Variants in DYRK4 observed in about 807,000 individuals in gnomAD.
DYRK4 encodes the protein dual specificity tyrosine-phosphorylation-regulated kinase 4.
In DYRK4, 64 loss-of-function variants were observed where a neutral mutation model predicts 68.3. The observed-to-expected ratio is 0.94, with a 90% CI of 0.77 to 1.15. The LOEUF is 1.15. Among genes scored for constraint, DYRK4 ranks in the 50% most tolerant of loss-of-function variants. The pLI is 0.00. For missense variants in DYRK4, 740 were observed against 764.7 expected (o/e 0.97, Z 0.38); for synonymous variants, 274 against 289.9 (o/e 0.95, Z 0.56).
intron 9 of DYRK4, 104 bp downstream of exon 9, chr12:4,599,270 CTTTTT>C (rs71061195): frequency 9.3e-4 from 426 of 459,954 alleles, no homozygotes; most frequent in Middle Eastern, 1.8e-3. Context: ...TTGCCTTTGA[CTTTTT>C]TTTTTTTTTT....
At chr12:4,607,023 C>G (rs149939317) in intron 11 of DYRK4, among the ~76,000 whole-genome samples, 177 of 152,260 alleles carry the variant, frequency 1.2e-3, no homozygotes, top group African/African-American at 4.1e-3. Flanking sequence ...AGCATGTGTA[C>G]TAGTTTATTT....
chr12:4,607,348 G>A lies in DYRK4; in HGVS notation c.1321G>A (p.Gly441Ser), dbSNP rs760294743. ...IMEVLGLPPA[G>S]FIQTASRRQT... ...TAAGGTGCTGGGTCTGCCGCCAGCC[G>A]GCTTCATTCAGACAGCCTCCAGGAG... The change falls in exon 12 of 15, where the codon GGC becomes AGC. Residue 441 changes from glycine to serine, a missense_variant. Gly to Ser is a moderately conservative substitution (Grantham distance 56, BLOSUM62 0). Coordinates refer to ENST00000543431, the MANE Select transcript of DYRK4 (RefSeq NM_001394779.1). 12 of 1,614,164 alleles carry A rather than the reference G, an allele frequency of 7.4e-6. No homozygotes were observed. Among genetic ancestry groups the A allele is most frequent in the East Asian group, 6.7e-5 (3 of 44,882 alleles).
At chr12:4,588,821 A>T (rs2041295) in intron 2 of DYRK4, 116 bp from the exon 3 acceptor site, 490,864 of 907,422 alleles carry the variant, frequency 0.54, 137,988 homozygotes, top group African/African-American at 0.8. Flanking sequence ...CTTCCCAGCT[A>T]AGGATTCAGG....
chr12:4,588,864 A>C, intron 2 of DYRK4, 73 bp from the exon 3 acceptor site: 1 of 1,429,968 alleles, frequency 7.0e-7, no homozygotes, highest in South Asian at 1.2e-5. Context: ...TGTTTATTGT[A>C]ATGTAACAAA....
At chr12:4,571,296 AC>A (rs1196723422) in intron 2 of DYRK4, among the ~76,000 whole-genome samples, 1 of 152,260 alleles carries the variant, frequency 6.6e-6, no homozygotes, top group Non-Finnish European at 1.5e-5. Context: ...AAGCACAGCT[AC>A]TTTTTCTCTG....
chr12:4,596,133 G>A lies in DYRK4; in HGVS notation c.628-16G>A, dbSNP rs368175377. ...GCCCATGGCTTTGCTCTTCACCTCCGGCCTGGCTTCCACAGGTCCTGCATG... is the reference window on the plus strand; with the variant it reads ...GCCCATGGCTTTGCTCTTCACCTCCAGCCTGGCTTCCACAGGTCCTGCATG... On this transcript the variant is annotated splice_polypyrimidine_tract_variant and intron_variant, in intron 6 of 14. Transcript: ENST00000543431. The A allele has an allele frequency of 6.2e-6, 10 of 1,613,128 alleles. No individual in the cohort carries two copies. In the African/African-American group the frequency reaches 8.0e-5, roughly 13 times the overall value.
chr12:4,569,468 G>A (rs1293010995), intron 2 of DYRK4, among the ~76,000 whole-genome samples: 1 of 152,112 alleles, frequency 6.6e-6, no homozygotes, highest in African/African-American at 2.4e-5. Context: ...ATTGAGTGCC[G>A]AGGTGACTCA....
intron 10 of DYRK4, chr12:4,602,646 T>C: frequency 1.4e-6 from 2 of 1,396,902 alleles, no homozygotes; most frequent in Non-Finnish European, 2.0e-6. Flanking sequence ...AGTTGGAAGA[T>C]CTGGGTAACA....
In DYRK4 at chr12:4,568,567, G is replaced by C. The variant is rs1201859494; in HGVS notation, c.132+519G>C. On this transcript the variant is annotated intron_variant, in intron 2 of 14. Transcript: ENST00000543431. ...CGGCTGGCTAATTTTTGTATTTTTAGAGGAGATGGGGTTTCTTCATGTTGA... is the reference window on the plus strand; with the variant it reads ...CGGCTGGCTAATTTTTGTATTTTTACAGGAGATGGGGTTTCTTCATGTTGA... Among the ~76,000 whole-genome samples, 10 of 152,112 alleles carry C rather than the reference G, an allele frequency of 6.6e-5. No homozygotes were observed. In the East Asian group the frequency reaches 1.7e-3, roughly 26 times the overall value.
intron 2 of DYRK4, among the ~76,000 whole-genome samples, chr12:4,581,535 C>A (rs1384596535): frequency 1.3e-5 from 2 of 152,160 alleles, no homozygotes; most frequent in South Asian, 4.1e-4. Context: ...GGCTTTCCTT[C>A]CAAAAGAAGG....
intron 11 of DYRK4, 25 bp downstream of exon 11, chr12:4,605,111 T>C (rs1245133620): frequency 6.2e-7 from 1 of 1,600,798 alleles, no homozygotes; most frequent in Non-Finnish European, 8.5e-7. Context: ...GGCGGTCGGC[T>C]CCCACGGAGA....
At chr12:4,599,252 T>C (rs951959299) in intron 9 of DYRK4, 86 bp downstream of exon 9, 6 of 760,766 alleles carry the variant, frequency 7.9e-6, no homozygotes, top group African/African-American at 5.5e-5. Context: ...CAAACTCCAA[T>C]CAAATAATTG....
At chr12:4,589,253 A>G (rs567581014) in intron 3 of DYRK4, among the ~76,000 whole-genome samples, 1 of 152,324 alleles carries the variant, frequency 6.6e-6, no homozygotes, top group African/African-American at 2.4e-5. Context: ...AGGTACATAT[A>G]TTTATGGGAT....
rs35874260 is a variant in DYRK4, at chr12:4,575,299, CTGTGTGTGTG to C, written c.132+7265_132+7274del. Among the ~76,000 whole-genome samples the C allele has an allele frequency of 5.3e-3, 786 of 148,966 alleles. 11 individuals are homozygous for C. The highest frequency in any genetic ancestry group is 5.9e-3 in the Non-Finnish European group (394 of 66,980). ...TTGCCAATTTACTAACAATAACTTA[CTGTGTGTGTG>C]TGTGTGTGTGTGTTTTCGAAACGGA... On this transcript the variant is annotated intron_variant, in intron 2 of 14. Transcript: ENST00000543431.
At chr12:4,599,277 T>TG in intron 9 of DYRK4, 111 bp downstream of exon 9, 2 of 1,105,194 alleles carry the variant, frequency 1.8e-6, no homozygotes, top group Admixed American at 2.9e-5. Flanking sequence ...TGACTTTTTT[T>TG]TTTTTTTTTT....
intron 4 of DYRK4, chr12:4,590,937 T>C: frequency 1.9e-6 from 1 of 518,224 alleles, no homozygotes; most frequent in Non-Finnish European, 3.3e-6. Context: ...GTCAGCAGCA[T>C]ACGGTAAGGT....
intron 2 of DYRK4, among the ~76,000 whole-genome samples, chr12:4,575,561 G>C (rs530087286): frequency 6.6e-6 from 1 of 152,000 alleles, no homozygotes; most frequent in South Asian, 2.1e-4. Context: ...CACCCGCCCC[G>C]ACCTCCCAAA....
intron 10 of DYRK4, chr12:4,602,270 A>G: frequency 9.2e-7 from 1 of 1,081,176 alleles, no homozygotes; most frequent in South Asian, 1.2e-5. Flanking sequence ...TTCTTTTGCA[A>G]CCATGCTTTA....
chr12:4,605,216 T>C, intron 11 of DYRK4, 130 bp downstream of exon 11: 1 of 758,750 alleles, frequency 1.3e-6, no homozygotes, highest in South Asian at 2.1e-5. Context: ...GAGTATTCCC[T>C]AAAAGGAGTT....
Sources: allele counts gnomAD v4.1 joint callset (sites outside exome capture counted in the v4.1 genomes callset), GRCh38; gene constraint gnomAD v4.1.1; transcripts MANE v1.5; gene names NCBI Gene and HGNC (gene_info 2026-07-23, HGNC 2026-07-21).